Variants in MAN2A1 observed in about 807,000 individuals in gnomAD.
MAN2A1 encodes the protein mannosidase alpha class 2A member 1.
Under a neutral mutation model 142.6 loss-of-function variants are expected in MAN2A1, and 76 were observed. That is an observed-to-expected ratio of 0.53 (90% CI 0.44 to 0.65). MAN2A1 has a LOEUF of 0.65. Ranked by LOEUF, MAN2A1 falls within the 30% of genes least tolerant of loss-of-function variation. The pLI is 0.00. For missense variants in MAN2A1, 1,311 were observed against 1,365.1 expected, an observed-to-expected ratio of 0.96 and a Z score of 0.62; for synonymous variants, 559 against 473.2, an observed-to-expected ratio of 1.18 and a Z score of -2.35.
At chr5:109,753,547 A>C (rs1361400205) in intron 4 of MAN2A1, among the ~76,000 whole-genome samples, 1 of 152,186 alleles carries the variant, frequency 6.6e-6, no homozygotes, top group Non-Finnish European at 1.5e-5. Context: ...ACATAAATTT[A>C]TTTCTTTAAT....
chr5:109,725,660 A>G (rs1385435058), intron 3 of MAN2A1, among the ~76,000 whole-genome samples: 1 of 152,190 alleles, frequency 6.6e-6, no homozygotes, highest in African/African-American at 2.4e-5. Flanking sequence ...TCCAGGGCTC[A>G]GGGCCAGGTA....
chr5:109,860,812 A>G (rs938368262), intron 20 of MAN2A1, among the ~76,000 whole-genome samples: 2 of 152,174 alleles, frequency 1.3e-5, no homozygotes, highest in African/African-American at 2.4e-5. Context: ...GGAAATTACA[A>G]TTTCCAAAGC....
At position 109,784,649 on chromosome 5, in the gene MAN2A1, G is replaced by A. The variant is rs2112671599; in HGVS notation, c.1578-95G>A. 1.1e-5 allele frequency: 10 copies of A among 937,944 alleles called. No homozygotes were observed. The South Asian group carries it at 2.0e-4, about 19-fold the overall frequency. 58.1% of individuals were successfully genotyped at this position (937,944 alleles called of 1,614,324 possible). ...CATAAATTGCTTGTACTGCAATTATGGATTAAAAAATTTGTAAAGTATCAA... is the reference window on the plus strand; with the variant it reads ...CATAAATTGCTTGTACTGCAATTATAGATTAAAAAATTTGTAAAGTATCAA... On this transcript the variant is annotated intron_variant, in intron 9 of 21. Transcript: ENST00000261483.
rs369632579 is a variant in MAN2A1 at position 109,713,743 on chromosome 5, C to T, written c.359C>T (p.Ser120Leu). The T allele has an allele frequency of 1.9e-6, 3 of 1,613,784 alleles. No homozygotes were observed. Among genetic ancestry groups the T allele is most frequent in the Non-Finnish European group, 2.5e-6 (3 of 1,179,904 alleles). ...SVDTADCLFA[S>L]QSGSHNSDVQ... ...GACACTGCAGACTGTCTGTTTGCTT[C>T]ACAAAGTGGAAGTCACAATTCAGAT... Residue 120 changes from serine (S) to leucine (L), a missense_variant, in exon 2 of 22, where the codon TCA becomes TTA. Coordinates refer to ENST00000261483, the MANE Select transcript of MAN2A1 (RefSeq NM_002372.4).
chr5:109,843,539 C>CTAA (rs1006815164), intron 17 of MAN2A1, among the ~76,000 whole-genome samples: 6 of 152,052 alleles, frequency 3.9e-5, no homozygotes, highest in African/African-American at 1.4e-4. Context: ...AATGTATGAT[C>CTAA]TAATAATGGG....
chr5:109,828,062 G>A (rs114153128), intron 16 of MAN2A1, among the ~76,000 whole-genome samples: 2,556 of 148,862 alleles, frequency 0.017, 27 homozygotes, highest in Non-Finnish European at 0.027. Flanking sequence ...CCGAAATAGC[G>A]CCACTGTACT....
chr5:109,802,604 G>A (rs1451343050), intron 12 of MAN2A1, among the ~76,000 whole-genome samples: 2 of 152,092 alleles, frequency 1.3e-5, no homozygotes, highest in Admixed American at 6.5e-5. Flanking sequence ...ATACTTGGGT[G>A]CCTCAGCTTT....
Position 109,737,317 on chromosome 5 carries a change from C to G in MAN2A1, c.707+7804C>G, listed in dbSNP as rs1215691056. Among the ~76,000 whole-genome samples, 3 of 152,062 alleles carry G rather than the reference C, an allele frequency of 2.0e-5. No homozygotes were observed. The East Asian group carries it at 5.8e-4, about 29-fold the overall frequency. On this transcript the variant is annotated intron_variant, in intron 4 of 21. Coordinates refer to ENST00000261483, the MANE Select transcript of MAN2A1 (RefSeq NM_002372.4). Reference sequence around the variant, plus strand: ...ATGTTGGCCAGGCTGGTCTTGAACTCCTGACACCTGCCTTGAACTCTGGTC... The same window carrying G: ...ATGTTGGCCAGGCTGGTCTTGAACTGCTGACACCTGCCTTGAACTCTGGTC...
At chr5:109,768,133 GTCC>G (rs1272929278) in intron 6 of MAN2A1, among the ~76,000 whole-genome samples, 1 of 152,058 alleles carries the variant, frequency 6.6e-6, no homozygotes, top group Non-Finnish European at 1.5e-5. Context: ...CCTTAATCCT[GTCC>G]TCCTAAAACA....
chr5:109,753,520 TG>T (rs1235282451), intron 4 of MAN2A1, among the ~76,000 whole-genome samples: 2 of 152,220 alleles, frequency 1.3e-5, no homozygotes, highest in Non-Finnish European at 2.9e-5. Context: ...TTATATTAGT[TG>T]GTGATCCCCA....
chr5:109,719,631 A>G (rs772071262), intron 3 of MAN2A1, among the ~76,000 whole-genome samples: 9 of 152,288 alleles, frequency 5.9e-5, no homozygotes, highest in East Asian at 1.9e-4. Context: ...AAGCTTTAGC[A>G]TAGTAGTTTG....
intron 20 of MAN2A1, 60 bp from the exon 21 acceptor site, chr5:109,864,976 A>C: frequency 1.6e-5 from 18 of 1,105,280 alleles, no homozygotes; most frequent in Non-Finnish European, 2.2e-5. Flanking sequence ...TGGTGTGTGA[A>C]GTACCATAAA....
intron 15 of MAN2A1, among the ~76,000 whole-genome samples, chr5:109,821,112 C>G (rs1754611401): frequency 6.6e-6 from 1 of 152,172 alleles, no homozygotes; most frequent in Admixed American, 6.5e-5. Context: ...TTAAAATTTA[C>G]CAACAGGTGC....
intron 8 of MAN2A1, among the ~76,000 whole-genome samples, chr5:109,778,959 TC>T (rs1468965789): frequency 6.6e-6 from 1 of 152,176 alleles, no homozygotes. Flanking sequence ...TTGTAATTTT[TC>T]TTATGTGTTG....
intron 16 of MAN2A1, among the ~76,000 whole-genome samples, chr5:109,831,805 A>ATGTGTGTGTGTG (rs55738132): frequency 7.3e-4 from 106 of 144,884 alleles, no homozygotes; most frequent in African/African-American, 2.4e-3. Flanking sequence ...AACAAAAATC[A>ATGTGTGTGTGTG]TGTGTGTGTG....
chr5:109,860,315 A>G (rs1216441940), intron 20 of MAN2A1, among the ~76,000 whole-genome samples: 1 of 152,198 alleles, frequency 6.6e-6, no homozygotes, highest in Non-Finnish European at 1.5e-5. Context: ...TTTAATGAGC[A>G]CCCTAAAAAA....
At chr5:109,706,419 C>T (rs1171788858) in intron 1 of MAN2A1, among the ~76,000 whole-genome samples, 2 of 152,166 alleles carry the variant, frequency 1.3e-5, no homozygotes, top group Non-Finnish European at 2.9e-5. Flanking sequence ...TTGGCAGGTC[C>T]TGTGCTAAAT....
intron 12 of MAN2A1, among the ~76,000 whole-genome samples, chr5:109,797,917 G>A: frequency 6.6e-6 from 1 of 152,116 alleles, no homozygotes. Flanking sequence ...GAAGGTAGTA[G>A]AGAGACATTT....
intron 9 of MAN2A1, among the ~76,000 whole-genome samples, chr5:109,783,216 C>T (rs1023182242): frequency 6.6e-6 from 1 of 152,004 alleles, no homozygotes; most frequent in Non-Finnish European, 1.5e-5. Context: ...TTGGAAAATC[C>T]TGCTGCATTA....
Sources: allele counts gnomAD v4.1 joint callset (sites outside exome capture counted in the v4.1 genomes callset), GRCh38; gene constraint gnomAD v4.1.1; transcripts MANE v1.5; gene names NCBI Gene and HGNC (gene_info 2026-07-23, HGNC 2026-07-21).